ITPK1: variants seen among roughly 807,000 people sequenced by gnomAD.
The protein encoded by ITPK1 is inositol-tetrakisphosphate 1-kinase, also known as inositol 1,3,4-trisphosphate 5/6-kinase.
In ITPK1, 21 loss-of-function variants were observed where a neutral mutation model predicts 45.3. That is an observed-to-expected ratio of 0.46 (90% CI 0.33 to 0.67). The LOEUF (loss-of-function observed/expected upper bound fraction) is 0.67. Among genes scored for constraint, ITPK1 ranks in the 30% least tolerant of loss-of-function variants. The pLI, the probability that ITPK1 is intolerant of heterozygous loss-of-function variation, is 0.02. For synonymous variants in ITPK1, 258 were observed against 253.6 expected, an observed-to-expected ratio of 1.02 and a Z score of -0.16; for missense variants, 474 against 573.5, an observed-to-expected ratio of 0.83 and a Z score of 1.77.
chr14:93,100,819 T>A lies in ITPK1; in HGVS notation c.95+14250A>T, dbSNP rs557067968. 3.3e-5 allele frequency among the ~76,000 whole-genome samples: 5 copies of A among 152,162 alleles called. No individual in the cohort carries two copies. In the South Asian group the frequency reaches 1.0e-3, roughly 32 times the overall value. On this transcript the variant is annotated intron_variant, in intron 2 of 10. Transcript: ENST00000267615. ...ATGACTCATCACATCTGTTGGTTAATTGAGAGTGAGAGGACTGGAGCACAC... is the reference window on the plus strand; with the variant it reads ...ATGACTCATCACATCTGTTGGTTAAATGAGAGTGAGAGGACTGGAGCACAC...
At chr14:92,961,887 C>G (rs566431878) in intron 7 of ITPK1, among the ~76,000 whole-genome samples, 14 of 152,240 alleles carry the variant, frequency 9.2e-5, no homozygotes, top group Non-Finnish European at 1.5e-4. Context: ...TGCCCCTCCC[C>G]ATTCACACAC....
At chr14:92,999,379 G>A (rs538308502) in intron 4 of ITPK1, among the ~76,000 whole-genome samples, 3 of 152,364 alleles carry the variant, frequency 2.0e-5, no homozygotes, top group East Asian at 1.9e-4. Context: ...GGCCCTGCCC[G>A]TCCTAACAGC....
chr14:93,026,220 C>A (rs929577758), intron 3 of ITPK1, among the ~76,000 whole-genome samples: 2 of 152,168 alleles, frequency 1.3e-5, no homozygotes, highest in Non-Finnish European at 2.9e-5. Flanking sequence ...AGGAACACCA[C>A]GTATTATATT....
chr14:93,094,915 G>T (rs534492944), intron 2 of ITPK1, among the ~76,000 whole-genome samples: 3 of 152,350 alleles, frequency 2.0e-5, no homozygotes, highest in South Asian at 4.1e-4. Flanking sequence ...CTTGGCACAG[G>T]CTTGCCCGCT....
At chr14:93,001,064 G>C (rs942294275) in intron 4 of ITPK1, among the ~76,000 whole-genome samples, 2 of 151,394 alleles carry the variant, frequency 1.3e-5, no homozygotes, top group African/African-American at 4.9e-5. Flanking sequence ...AGTATCACAA[G>C]GTCAGGAGTT....
At chr14:93,045,661 T>C (rs1056605974) in intron 3 of ITPK1, among the ~76,000 whole-genome samples, 1 of 152,056 alleles carries the variant, frequency 6.6e-6, no homozygotes, top group Admixed American at 6.5e-5. Context: ...AGCGAAACCC[T>C]ATCTAAGAAA....
At chr14:92,969,982 G>T (rs1311844897) in intron 5 of ITPK1, among the ~76,000 whole-genome samples, 1 of 152,130 alleles carries the variant, frequency 6.6e-6, no homozygotes, top group Non-Finnish European at 1.5e-5. Context: ...TCCAGAAAGG[G>T]GAAGGAACTA....
intron 9 of ITPK1, among the ~76,000 whole-genome samples, chr14:92,947,162 A>T (rs1211914075): frequency 6.6e-6 from 1 of 152,240 alleles, no homozygotes; most frequent in African/African-American, 2.4e-5. Flanking sequence ...CCTGTGGCCC[A>T]GCAGGCCAGT....
At chr14:92,963,790 T>C (rs1179836311) in intron 5 of ITPK1, among the ~76,000 whole-genome samples, 1 of 152,256 alleles carries the variant, frequency 6.6e-6, no homozygotes, top group Non-Finnish European at 1.5e-5. Flanking sequence ...CTGCTGATGA[T>C]GAAATTACTG....
At chr14:93,078,758 C>T (rs1891325035) in intron 2 of ITPK1, among the ~76,000 whole-genome samples, 1 of 152,128 alleles carries the variant, frequency 6.6e-6, no homozygotes, top group Non-Finnish European at 1.5e-5. Flanking sequence ...CACCTCAGCC[C>T]CTGCCTCATT....
At position 93,012,120 on chromosome 14, in the gene ITPK1, C is replaced by T. The variant is rs997917224; in HGVS notation, c.246+4556G>A. Among the ~76,000 whole-genome samples, 6 of 152,166 alleles carry T rather than the reference C, an allele frequency of 3.9e-5. No homozygotes were observed. The highest frequency in any genetic ancestry group is 1.4e-4 in the African/African-American group (6 of 41,448). Reference sequence around the variant, plus strand: ...CATCAGGGCACCCCATGAAAGGCCGCCCCAGCGCATGACCAGCACTGGGCA... The same window carrying T: ...CATCAGGGCACCCCATGAAAGGCCGTCCCAGCGCATGACCAGCACTGGGCA... On this transcript the variant is annotated intron_variant, in intron 4 of 10. Coordinates refer to ENST00000267615, the MANE Select transcript of ITPK1 (RefSeq NM_014216.6). The surrounding 1 kb of genome is among the most constrained non-coding windows in gnomAD (Gnocchi z 4.9).
chr14:93,041,887 C>G (rs2139912168), intron 3 of ITPK1, among the ~76,000 whole-genome samples: 1 of 152,268 alleles, frequency 6.6e-6, no homozygotes, highest in South Asian at 2.1e-4. Flanking sequence ...TAGGAACTCC[C>G]AAAACACAGC....
At chr14:93,084,638 C>T (rs1891577826) in intron 2 of ITPK1, among the ~76,000 whole-genome samples, 1 of 152,240 alleles carries the variant, frequency 6.6e-6, no homozygotes, top group African/African-American at 2.4e-5. Flanking sequence ...TTCAGGGACA[C>T]AGCTTGTGCC....
chr14:92,951,044 C>G (rs139639079), intron 9 of ITPK1, among the ~76,000 whole-genome samples: 30 of 152,320 alleles, frequency 2.0e-4, no homozygotes, highest in African/African-American at 7.2e-4. Flanking sequence ...CCGAGGGACA[C>G]GAGCACTGCC....
intron 4 of ITPK1, among the ~76,000 whole-genome samples, chr14:93,009,810 G>C (rs1027029099): frequency 6.6e-6 from 1 of 152,154 alleles, no homozygotes; most frequent in Non-Finnish European, 1.5e-5. Flanking sequence ...AATCCCAGAC[G>C]ATGACCTCCT....
chr14:93,108,257 T>G (rs1021242620), intron 2 of ITPK1, among the ~76,000 whole-genome samples: 5 of 152,246 alleles, frequency 3.3e-5, no homozygotes, highest in Admixed American at 6.5e-5. Flanking sequence ...CTTTGCTTCC[T>G]AAAATGAATG....
intron 2 of ITPK1, among the ~76,000 whole-genome samples, chr14:93,088,322 T>G (rs1324193323): frequency 6.8e-6 from 1 of 147,942 alleles, no homozygotes. Flanking sequence ...TTGCATCTTT[T>G]CTTTTTTGGT....
intron 4 of ITPK1, among the ~76,000 whole-genome samples, chr14:93,007,331 C>A (rs921866287): frequency 6.6e-6 from 1 of 152,174 alleles, no homozygotes; most frequent in African/African-American, 2.4e-5. Context: ...AGGTGACATG[C>A]CTGCTGGAGC....
chr14:93,095,191 C>A (rs1388926065), intron 2 of ITPK1, among the ~76,000 whole-genome samples: 1 of 152,082 alleles, frequency 6.6e-6, no homozygotes, highest in African/African-American at 2.4e-5. Context: ...ACCTACATAC[C>A]ACCACCACCA....
Sources: gnomAD v4.1 joint callset for allele counts (sites outside exome capture counted in the v4.1 genomes callset) on GRCh38, gnomAD v4.1.1 for gene constraint, Gnocchi (gnomAD v3.1) non-coding constraint, MANE v1.5 for transcripts, NCBI Gene and HGNC (gene_info 2026-07-23, HGNC 2026-07-21) for gene names.